MRC2: variants seen among roughly 807,000 people sequenced by gnomAD.
MRC2 encodes mannose receptor C-type 2.
In MRC2, 84 loss-of-function variants were observed where a neutral mutation model predicts 206.2. The ratio of observed to expected loss-of-function variants is 0.41; its 90% CI spans 0.34 to 0.49. The LOEUF (loss-of-function observed/expected upper bound fraction) is 0.49, where lower values mean the gene tolerates loss of function less well. Ranked by LOEUF, MRC2 falls within the 20% of genes least tolerant of loss-of-function variation. The probability of loss-of-function intolerance (pLI) is 0.31; values close to 1 mark genes in which losing one functional copy is unlikely to be tolerated. For synonymous variants in MRC2, 798 were observed against 800.0 expected (o/e 1.00, Z 0.04); for missense variants, 1,676 against 2,001.5 (o/e 0.84, Z 3.10).
At position 62,671,619 on chromosome 17, in the gene MRC2, C is replaced by A; in HGVS notation, c.1118-30C>A. ...GGTTCCCAGACTGGGCGGCTCAGTC[C>A]CTGAGCAGCAGCCTCATGGGTCTCT... On this transcript the variant is annotated intron_variant, in intron 6 of 29. Transcript: ENST00000303375. This position sits in a 1 kb window ranked among gnomAD's most constrained non-coding sequence, Gnocchi z 4.5. 6.5e-7 allele frequency: 1 copy of A among 1,534,256 alleles called. No individual in the cohort carries two copies. The highest frequency in any genetic ancestry group is 1.3e-5 in the South Asian group (1 of 78,426).
chr17:62,648,233 A>G (rs188428570), intron 1 of MRC2, among the ~76,000 whole-genome samples: 13 of 152,272 alleles, frequency 8.5e-5, no homozygotes, highest in Admixed American at 3.9e-4. Flanking sequence ...GCGAAACCCC[A>G]TCTCTACTAA....
rs765124439 is a variant in MRC2, at chr17:62,672,115, G to A, written c.1424G>A (p.Arg475Gln). 8.7e-6 allele frequency: 14 copies of A among 1,613,914 alleles called. No homozygotes were observed. Among genetic ancestry groups the A allele is most frequent in the South Asian group, 2.2e-5 (2 of 91,080 alleles). Reference protein sequence around the residue: ...HWHPFEPNNFRDSLEDCVTIW... With the variant: ...HWHPFEPNNFQDSLEDCVTIW... ...CACCCCTTTGAGCCCAACAACTTCC[G>A]GGACAGTCTGGAGGACTGTGTCACC... The change falls in exon 8 of 30, where the codon CGG (arginine) becomes CAG (glutamine). Residue 475 changes from arginine (R) to glutamine (Q), a missense_variant. By Grantham distance (43) the Arg-to-Gln change is conservative. This residue lies in a region of MRC2 where 1,354 missense variants were observed against 1,636.6 expected (regional missense o/e 0.83). Transcript: ENST00000303375. This position sits in a 1 kb window ranked among gnomAD's most constrained non-coding sequence, Gnocchi z 4.5.
intron 1 of MRC2, among the ~76,000 whole-genome samples, chr17:62,647,469 G>A (rs1048458169): frequency 6.6e-6 from 1 of 151,880 alleles, no homozygotes; most frequent in Non-Finnish European, 1.5e-5. Flanking sequence ...ACAAGTGTGA[G>A]CTGCCGCGCC....
chr17:62,669,899 G>T (rs984231157), intron 6 of MRC2, among the ~76,000 whole-genome samples: 2 of 152,182 alleles, frequency 1.3e-5, no homozygotes, highest in Admixed American at 1.3e-4. Context: ...ATTCCGTAAG[G>T]GGCCAGGAGC....
chr17:62,672,564 C>T lies in MRC2; in HGVS notation c.1461+412C>T, dbSNP rs1183726704. Among the ~76,000 whole-genome samples, 1 of 152,204 alleles carries T rather than the reference C, an allele frequency of 6.6e-6. No individual in the cohort carries two copies. The highest frequency in any genetic ancestry group is 1.9e-4 in the East Asian group (1 of 5,200). On this transcript the variant is annotated intron_variant, in intron 8 of 29. Coordinates refer to ENST00000303375, the MANE Select transcript of MRC2 (RefSeq NM_006039.5). The surrounding 1 kb of genome is among the most constrained non-coding windows in gnomAD (Gnocchi z 4.5). ...TCTGCCAGCCCTCGCCCCCAGTGCT[C>T]TACCCAGTCCAGGGTCCTGTCATCT...
At chr17:62,649,092 A>C (rs1400161273) in intron 1 of MRC2, among the ~76,000 whole-genome samples, 2 of 152,218 alleles carry the variant, frequency 1.3e-5, no homozygotes, top group African/African-American at 4.8e-5. Flanking sequence ...CCAGGGCCCA[A>C]GGGCCCAAGC....
Position 62,690,203 on chromosome 17 carries a change from G to T in MRC2, c.3790G>T (p.Gly1264Ter). Residue 1264 changes from glycine (G) to a stop codon, truncating the protein, a stop_gained, in exon 26 of 30, where the codon GGA becomes TGA. Coordinates refer to ENST00000303375, the MANE Select transcript of MRC2 (RefSeq NM_006039.5). LOFTEE classifies it high-confidence loss of function. ...RISYHGSCPQ[G>*]LADSAWIPFR... ...AAGCTACCATGGCAGCTGTCCCCAG[G>T]GACTGGCAGACTCCGCGTGGATTCC... The T allele has an allele frequency of 6.2e-7, 1 of 1,612,258 alleles. No individual in the cohort carries two copies. Among genetic ancestry groups the T allele is most frequent in the Non-Finnish European group, 8.5e-7 (1 of 1,178,730 alleles).
chr17:62,638,525 GTC>G (rs2088355816), intron 1 of MRC2, among the ~76,000 whole-genome samples: 1 of 151,832 alleles, frequency 6.6e-6, no homozygotes, highest in Non-Finnish European at 1.5e-5. Context: ...GGATCACGAG[GTC>G]AGGAGTTCGA....
In MRC2 at chr17:62,685,832, G is replaced by C. The variant is rs190632507; in HGVS notation, c.2947-2457G>C. Among the ~76,000 whole-genome samples the C allele has an allele frequency of 5.3e-5, 8 of 152,324 alleles. No individual in the cohort carries two copies. The East Asian group carries it at 1.2e-3, about 22-fold the overall frequency. ...GCAGGGATTACAGGTGTGCGCCACT[G>C]TGCCTGGCCTGTGGAAAGCTCTGGA... On this transcript the variant is annotated intron_variant, in intron 20 of 29. Coordinates refer to ENST00000303375, the MANE Select transcript of MRC2 (RefSeq NM_006039.5).
chr17:62,689,170 G>A (rs540681047), intron 23 of MRC2, among the ~76,000 whole-genome samples: 2 of 152,266 alleles, frequency 1.3e-5, no homozygotes, highest in African/African-American at 4.8e-5. Flanking sequence ...TGGAGGGCTC[G>A]TTGGGTCGGG....
chr17:62,670,492 G>A (rs897054344), intron 6 of MRC2, among the ~76,000 whole-genome samples: 4 of 152,260 alleles, frequency 2.6e-5, no homozygotes, highest in Non-Finnish European at 5.9e-5. Flanking sequence ...TGTTCTAGTG[G>A]GCGCGCAGTT....
intron 1 of MRC2, among the ~76,000 whole-genome samples, chr17:62,642,193 G>A (rs1380354633): frequency 6.6e-6 from 1 of 152,114 alleles, no homozygotes; most frequent in Admixed American, 6.5e-5. Context: ...ATCTAGAATA[G>A]TTGCTTGGCC....
rs1290488542 is a variant in MRC2 at position 62,677,298 on chromosome 17, G to T, written c.1864G>T (p.Ala622Ser). 3.1e-6 allele frequency: 5 copies of T among 1,605,080 alleles called. No individual in the cohort carries two copies. The highest frequency in any genetic ancestry group is 4.3e-6 in the Non-Finnish European group (5 of 1,176,408). Residue 622 changes from alanine (A) to serine (S), a missense_variant, in exon 12 of 30, where the codon GCC (alanine) becomes TCC (serine). Coordinates refer to ENST00000303375, the MANE Select transcript of MRC2 (RefSeq NM_006039.5). ...CAGCCGTGGGGGCTGCGTGGCGCTG[G>T]CCACTGGCAGCGCCATGGGGCTGTG... ...GYSRGGCVAL[A>S]TGSAMGLWEV...
intron 23 of MRC2, chr17:62,689,288 G>A (rs149964920): frequency 6.4e-5 from 37 of 578,088 alleles, no homozygotes; most frequent in East Asian, 5.6e-5. Context: ...TGGCCTCTGC[G>A]CCGGGTTCCT....
chr17:62,682,917 A>T (rs937478773), intron 20 of MRC2, among the ~76,000 whole-genome samples: 20 of 152,156 alleles, frequency 1.3e-4, no homozygotes, highest in Admixed American at 3.9e-4. Context: ...CTGGGATTAC[A>T]GATGTGAGCC....
In MRC2 at chr17:62,675,095, C is replaced by T. The variant is rs764034001; in HGVS notation, c.1570-695C>T. ...TGGCCCAGGGGCTGTGTCATGGCTG[C>T]GAAGAGGTGAAGGGAGGAGTAGAGA... On this transcript the variant is annotated intron_variant, in intron 9 of 29. Transcript: ENST00000303375. The surrounding 1 kb of genome is among the most constrained non-coding windows in gnomAD (Gnocchi z 4.1). Among the ~76,000 whole-genome samples the T allele has an allele frequency of 5.3e-5, 8 of 151,784 alleles. No individual in the cohort carries two copies. The highest frequency in any genetic ancestry group is 1.2e-4 in the Non-Finnish European group (8 of 68,004).
Position 62,666,809 on chromosome 17 carries a change from C to G in MRC2, c.912C>G (p.Asp304Glu). ...TGTGGATCGGCTTGAATGACTTGGA[C>G]ACGAGCGGAGGCTGGCAGTGGTCGG... ...STLWIGLNDLDTSGGWQWSDN... is the reference protein window; with the variant it reads ...STLWIGLNDLETSGGWQWSDN... The change falls in exon 5 of 30, where the codon GAC (aspartate) becomes GAG (glutamate). Residue 304 changes from aspartate to glutamate, a missense_variant. Around this residue, in one of 3 missense-constraint regions of MRC2, gnomAD observed 1,354 missense variants for 1,636.6 expected, o/e 0.83. Coordinates refer to ENST00000303375, the MANE Select transcript of MRC2 (RefSeq NM_006039.5). This position sits in a 1 kb window ranked among gnomAD's most constrained non-coding sequence, Gnocchi z 5.0. The G allele has an allele frequency of 6.2e-7, 1 of 1,613,664 alleles. No homozygotes were observed. Among genetic ancestry groups the G allele is most frequent in the Non-Finnish European group, 8.5e-7 (1 of 1,179,972 alleles).
At chr17:62,635,608 C>T (rs117699347) in intron 1 of MRC2, among the ~76,000 whole-genome samples, 1 of 152,046 alleles carries the variant, frequency 6.6e-6, no homozygotes, top group Non-Finnish European at 1.5e-5. Context: ...ATTAAGTGAC[C>T]TTTCTTAGGC....
At chr17:62,651,146 C>G (rs1003574156) in intron 1 of MRC2, among the ~76,000 whole-genome samples, 2 of 150,900 alleles carry the variant, frequency 1.3e-5, no homozygotes, top group African/African-American at 4.9e-5. Flanking sequence ...TGCAGTAGTG[C>G]GATCTCGGCT....
Sources: gnomAD v4.1 joint callset for allele counts (sites outside exome capture counted in the v4.1 genomes callset) on GRCh38, gnomAD v4.1.1 for gene constraint, gnomAD v4.1.1 regional missense constraint, Gnocchi (gnomAD v3.1) non-coding constraint, MANE v1.5 for transcripts, NCBI Gene and HGNC (gene_info 2026-07-23, HGNC 2026-07-21) for gene names.